Variants in ABCC3 observed in about 807,000 individuals in gnomAD.
ABCC3 encodes the protein ATP binding cassette subfamily C member 3.
In ABCC3, 121 loss-of-function variants were observed where a neutral mutation model predicts 165.3. That is an observed-to-expected ratio of 0.73 (90% CI 0.63 to 0.85). ABCC3 has a LOEUF of 0.85. Among genes scored for constraint, ABCC3 ranks in the 40% least tolerant of loss-of-function variants. The probability of loss-of-function intolerance (pLI) is 0.00; values close to 1 mark genes in which losing one functional copy is unlikely to be tolerated. For missense variants in ABCC3, 1,869 were observed against 1,964.1 expected (o/e 0.95, Z 0.92); for synonymous variants, 733 against 810.1 (o/e 0.90, Z 1.62).
Position 50,672,978 on chromosome 17 carries a change from A to C in ABCC3, c.2249A>C (p.Asn750Thr). The change falls in exon 18 of 31, where the codon AAC (asparagine) becomes ACC (threonine). Residue 750 changes from asparagine (N) to threonine (T), a missense_variant. Transcript: ENST00000285238. ...DQTEIGEKGI[N>T]LSGGQRQRVS... ...CCCCCCGCCTCCCTCCAGGGCATTA[A>C]CCTGTCTGGGGGCCAGCGGCAGCGG... is the stretch of plus-strand genomic sequence containing the variant. 6.2e-7 allele frequency: 1 copy of C among 1,613,496 alleles called. No individual in the cohort carries two copies. Among genetic ancestry groups the C allele is most frequent in the Non-Finnish European group, 8.5e-7 (1 of 1,179,942 alleles).
intron 1 of ABCC3, among the ~76,000 whole-genome samples, chr17:50,642,685 A>G (rs1966914785): frequency 6.6e-6 from 1 of 152,194 alleles, no homozygotes; most frequent in Non-Finnish European, 1.5e-5. Flanking sequence ...GCATGGCTCA[A>G]AAGTGGCAGA....
chr17:50,684,116 C>T lies in ABCC3; in HGVS notation c.4113+9C>T. 1 of 1,611,908 alleles carries T rather than the reference C, an allele frequency of 6.2e-7. No homozygotes were observed. The highest frequency in any genetic ancestry group is 2.2e-5 in the East Asian group (1 of 44,710). On this transcript the variant is annotated intron_variant, in intron 28 of 30. Coordinates refer to ENST00000285238, the MANE Select transcript of ABCC3 (RefSeq NM_003786.4). The stretch of plus-strand genomic sequence containing the variant: ...TGACCATCATCCCGCAGGTAGGAGC[C>T]TGGCATGGGCTGGCCACACTCACCA...
chr17:50,636,371 A>AAAG (rs2054180401), intron 1 of ABCC3, among the ~76,000 whole-genome samples: 1 of 146,288 alleles, frequency 6.8e-6, no homozygotes, highest in African/African-American at 2.7e-5. Context: ...AATGGAGGTA[A>AAAG]AAAAAAAAAC....
chr17:50,650,915 A>G (rs917376117), intron 1 of ABCC3, among the ~76,000 whole-genome samples: 5 of 151,928 alleles, frequency 3.3e-5, no homozygotes, highest in Non-Finnish European at 7.4e-5. Flanking sequence ...AAATACAAAA[A>G]TTGGCTGGGC....
chr17:50,685,231 CT>C (rs980845490), intron 29 of ABCC3, among the ~76,000 whole-genome samples: 1 of 152,194 alleles, frequency 6.6e-6, no homozygotes, highest in African/African-American at 2.4e-5. Flanking sequence ...CCAGAGCTTT[CT>C]TACAGCCCCA....
In ABCC3 at chr17:50,687,945, TTTC is replaced by T. The variant is rs376101900; in HGVS notation, c.4475+230_4475+232del. 5.7e-3 allele frequency among the ~76,000 whole-genome samples: 868 copies of T among 151,844 alleles called. 10 individuals are homozygous for T. The highest frequency in any genetic ancestry group is 0.019 in the African/African-American group (798 of 41,380). On this transcript the variant is annotated intron_variant, in intron 30 of 30. Coordinates refer to ENST00000285238, the MANE Select transcript of ABCC3 (RefSeq NM_003786.4). The stretch of plus-strand genomic sequence containing the variant: ...TGGGGTATACAATGACATTTTCATT[TTTC>T]TTCTTCTTCTTCTTTTTTTTTTTTG...
intron 17 of ABCC3, among the ~76,000 whole-genome samples, chr17:50,670,657 T>C (rs1597855116): frequency 6.6e-6 from 1 of 152,248 alleles, no homozygotes; most frequent in Non-Finnish European, 1.5e-5. Flanking sequence ...AATACAGGAA[T>C]GCCTGCAGAG....
At position 50,684,007 on chromosome 17, in the gene ABCC3, G is replaced by A. The variant is rs775872878; in HGVS notation, c.4013G>A (p.Arg1338His). ...TCTTCCATGACCCTTTGCCTGTTCCGCATCCTGGAGGCGGCAAAGGGTGAA... is the reference window on the plus strand; with the variant it reads ...TCTTCCATGACCCTTTGCCTGTTCCACATCCTGGAGGCGGCAAAGGGTGAA... The part of the protein sequence containing the change: ...GKSSMTLCLF[R>H]ILEAAKGEIR... The change falls in exon 28 of 31, where the codon CGC (arginine) becomes CAC (histidine). Residue 1338 changes from arginine to histidine, a missense_variant. Arg to His is a conservative substitution (Grantham distance 29). Coordinates refer to ENST00000285238, the MANE Select transcript of ABCC3 (RefSeq NM_003786.4). 14 of 1,612,912 alleles carry A rather than the reference G, an allele frequency of 8.7e-6. No homozygotes were observed. Among genetic ancestry groups the A allele is most frequent in the Middle Eastern group, 1.6e-4 (1 of 6,078 alleles).
intron 5 of ABCC3, 69 bp from the exon 6 acceptor site, chr17:50,658,366 T>A: frequency 1.3e-6 from 2 of 1,586,262 alleles, no homozygotes. Context: ...GTCCCCTCCA[T>A]TTCCCTACTC....
At chr17:50,687,912 C>G (rs962471399) in intron 30 of ABCC3, among the ~76,000 whole-genome samples, 182 bp downstream of exon 30, 3 of 151,472 alleles carry the variant, frequency 2.0e-5, no homozygotes, top group Non-Finnish European at 4.4e-5. Flanking sequence ...GTGGCCTGGG[C>G]TCAGGGGTGG....
chr17:50,669,062 T>A lies in ABCC3; in HGVS notation c.1938-78T>A, dbSNP rs1036702858. 6 of 1,594,882 alleles carry A rather than the reference T, an allele frequency of 3.8e-6. No individual in the cohort carries two copies. The African/African-American group carries it at 6.7e-5, about 18-fold the overall frequency. ...GGGGTGTCTGGAAGGGCGGAGGGCT[T>A]GGTTCTGCAGGTGGAGGGTTGGAGA... On this transcript the variant is annotated intron_variant, in intron 15 of 30. Transcript: ENST00000285238.
chr17:50,684,018 G>T lies in ABCC3; in HGVS notation c.4024G>T (p.Ala1342Ser), dbSNP rs761096441. Residue 1342 changes from alanine (A) to serine (S), a missense_variant, in exon 28 of 31, where the codon GCG becomes TCG. By Grantham distance (99) the Ala-to-Ser change is moderately conservative. Transcript: ENST00000285238. The part of the protein sequence containing the change: ...MTLCLFRILE[A>S]AKGEIRIDGL... Reference sequence around the variant, plus strand: ...CCTTTGCCTGTTCCGCATCCTGGAGGCGGCAAAGGGTGAAATCCGCATTGA... The same window carrying T: ...CCTTTGCCTGTTCCGCATCCTGGAGTCGGCAAAGGGTGAAATCCGCATTGA... 1.2e-6 allele frequency: 2 copies of T among 1,613,128 alleles called. No homozygotes were observed. The highest frequency in any genetic ancestry group is 2.2e-5 in the South Asian group (2 of 90,974).
rs1567835504 is a variant in ABCC3 at position 50,673,964 on chromosome 17, CTT to C, written c.2599+308_2599+309del. Among the ~76,000 whole-genome samples the C allele has an allele frequency of 8.6e-4, 20 of 23,214 alleles. 2 individuals are homozygous for C. Among genetic ancestry groups the C allele is most frequent in the South Asian group, 1.5e-3 (1 of 660 alleles). 15.2% of individuals were successfully genotyped at this position (23,214 alleles called of 152,430 possible). On this transcript the variant is annotated intron_variant, in intron 19 of 30. Coordinates refer to ENST00000285238, the MANE Select transcript of ABCC3 (RefSeq NM_003786.4). ...TCTTTCTTTCTTTCTTTCTTTCTTT[CTT>C]TCTTTCTTTCTTTCTCTCTCTCTCT...
rs752392252 is a variant in ABCC3, at chr17:50,657,055, A to AC, written c.361dup (p.Leu121ProfsTer6). 1.9e-5 allele frequency: 31 copies of AC among 1,613,234 alleles called. No individual in the cohort carries two copies. In the Admixed American group the frequency reaches 5.0e-4, roughly 26 times the overall value. ...TGCCCTCCCTGCACAGCTGCTGGCC[A>AC]CCCTGCTGATACAGTATGAGCGGCT... is the stretch of plus-strand genomic sequence containing the variant. On this transcript the variant is annotated frameshift_variant, in exon 4 of 31. Coordinates refer to ENST00000285238, the MANE Select transcript of ABCC3 (RefSeq NM_003786.4). LOFTEE classifies it high-confidence loss of function.
chr17:50,668,478 C>T lies in ABCC3; in HGVS notation c.1831C>T (p.Leu611Phe). 1 of 1,614,028 alleles carries T rather than the reference C, an allele frequency of 6.2e-7. No homozygotes were observed. The highest frequency in any genetic ancestry group is 8.5e-7 in the Non-Finnish European group (1 of 1,179,958). The change falls in exon 14 of 31, where the codon CTT becomes TTT. Residue 611 changes from leucine to phenylalanine, a missense_variant. Physicochemically the swap from Leu to Phe is conservative, Grantham distance 22. Coordinates refer to ENST00000285238, the MANE Select transcript of ABCC3 (RefSeq NM_003786.4). ...CCAGCAATTCCTGAGCCAAGAGGAA[C>T]TTGACCCCCAGAGTGTGGAAAGAAA... ...RIQQFLSQEE[L>F]DPQSVERKTI...
At chr17:50,687,350 G>A in intron 29 of ABCC3, 186 bp from the exon 30 acceptor site, 1 of 597,354 alleles carries the variant, frequency 1.7e-6, no homozygotes, top group Non-Finnish European at 2.9e-6. Context: ...ATTCCCCAAG[G>A]CCCCTCATTA....
chr17:50,665,189 A>G lies in ABCC3; in HGVS notation c.1375A>G (p.Met459Val), dbSNP rs1293730103. Residue 459 changes from methionine to valine, a missense_variant, in exon 11 of 31, where the codon ATG becomes GTG. By Grantham distance (21) the Met-to-Val change is conservative. Transcript: ENST00000285238. ...CTCTGTCCTGGCTGGAGTCGCTTTC[A>G]TGGTCTTGCTGATTCCACTCAACGG... ...GPSVLAGVAF[M>V]VLLIPLNGAV... 1.2e-6 allele frequency: 2 copies of G among 1,613,940 alleles called. No individual in the cohort carries two copies. Among genetic ancestry groups the G allele is most frequent in the Admixed American group, 3.3e-5 (2 of 60,006 alleles).
intron 19 of ABCC3, 60 bp from the exon 20 acceptor site, chr17:50,675,302 A>G: frequency 8.0e-7 from 1 of 1,254,534 alleles, no homozygotes; most frequent in Non-Finnish European, 1.1e-6. Context: ...AATGGGAGAT[A>G]CCAGGGGCTT....
At chr17:50,639,855 C>G (rs2054212264) in intron 1 of ABCC3, among the ~76,000 whole-genome samples, 1 of 151,980 alleles carries the variant, frequency 6.6e-6, no homozygotes, top group South Asian at 2.1e-4. Context: ...CCTCCACCTC[C>G]CAGGTTCAAG....
Sources: gnomAD v4.1 joint callset for allele counts (sites outside exome capture counted in the v4.1 genomes callset) on GRCh38, gnomAD v4.1.1 for gene constraint, MANE v1.5 for transcripts, NCBI Gene and HGNC (gene_info 2026-07-23, HGNC 2026-07-21) for gene names.